Variants in SNTB1 observed in about 807,000 individuals in gnomAD.
SNTB1 encodes the protein syntrophin beta 1.
A neutral mutation model predicts 48.9 loss-of-function variants in SNTB1; 36 were observed. The ratio of observed to expected loss-of-function variants is 0.74; its 90% CI spans 0.56 to 0.97. SNTB1 has a LOEUF of 0.97. Among genes scored for constraint, SNTB1 ranks in the 50% least tolerant of loss-of-function variants. The probability of loss-of-function intolerance (pLI) is 0.00; values close to 1 mark genes in which losing one functional copy is unlikely to be tolerated. For missense variants in SNTB1, 786 were observed against 703.4 expected (o/e 1.12, Z -1.33); for synonymous variants, 299 against 294.6 (o/e 1.01, Z -0.15).
At chr8:120,546,761 CACCGGGTTTCCAG>C (rs1217262221) in intron 5 of SNTB1, among the ~76,000 whole-genome samples, 1 of 152,216 alleles carries the variant, frequency 6.6e-6, no homozygotes, top group East Asian at 1.9e-4. Flanking sequence ...TGAGCCACCA[CACCGGGTTTCCAG>C]TCCCTTATTT....
intron 2 of SNTB1, among the ~76,000 whole-genome samples, chr8:120,685,017 C>A (rs1386423298): frequency 6.6e-6 from 1 of 152,248 alleles, no homozygotes; most frequent in Non-Finnish European, 1.5e-5. Context: ...CTTCCAGACA[C>A]ACTGGGATGG....
intron 3 of SNTB1, among the ~76,000 whole-genome samples, chr8:120,576,751 T>C (rs1460355215): frequency 6.6e-6 from 1 of 152,204 alleles, no homozygotes; most frequent in African/African-American, 2.4e-5. Flanking sequence ...GTATCTCAGT[T>C]TCTGGATCTG....
chr8:120,718,526 T>TTGA (rs1198238225), intron 1 of SNTB1, among the ~76,000 whole-genome samples: 5 of 152,220 alleles, frequency 3.3e-5, no homozygotes, highest in African/African-American at 1.2e-4. Context: ...GTAAATTTGA[T>TTGA]TGATAATGTT....
chr8:120,805,400 GT>G (rs1820318860), intron 1 of SNTB1, among the ~76,000 whole-genome samples: 1 of 152,128 alleles, frequency 6.6e-6, no homozygotes, highest in South Asian at 2.1e-4. Context: ...AATCACAAGG[GT>G]CCTTAAAAAT....
chr8:120,644,628 T>G lies in SNTB1; in HGVS notation c.789-11977A>C, dbSNP rs538399097. The stretch of plus-strand genomic sequence containing the variant: ...AATAATGTCGCAATAAACATGCGTG[T>G]GCATGTGTCTTTATAGCAGCATGAT... On this transcript the variant is annotated intron_variant, in intron 2 of 6. Transcript: ENST00000517992. Among the ~76,000 whole-genome samples, 3 of 152,242 alleles carry G rather than the reference T, an allele frequency of 2.0e-5. No individual in the cohort carries two copies. The South Asian group carries it at 6.2e-4, about 32-fold the overall frequency.
chr8:120,677,125 G>C (rs1184517257), intron 2 of SNTB1, among the ~76,000 whole-genome samples: 1 of 151,660 alleles, frequency 6.6e-6, no homozygotes, highest in Non-Finnish European at 1.5e-5. Context: ...CTGGAAACCT[G>C]ATGCATATGG....
intron 1 of SNTB1, among the ~76,000 whole-genome samples, chr8:120,764,242 T>C (rs1819477564): frequency 6.6e-6 from 1 of 152,236 alleles, no homozygotes; most frequent in Non-Finnish European, 1.5e-5. Context: ...CATGCAATGA[T>C]ATACTAGCCA....
At chr8:120,760,970 G>A (rs1356304721) in intron 1 of SNTB1, among the ~76,000 whole-genome samples, 1 of 151,990 alleles carries the variant, frequency 6.6e-6, no homozygotes, top group African/African-American at 2.4e-5. Flanking sequence ...ACTAACAAGA[G>A]GCTAATTTCT....
chr8:120,548,954 C>T lies in SNTB1; in HGVS notation c.1141G>A (p.Val381Ile). 1.3e-6 allele frequency: 2 copies of T among 1,578,902 alleles called. No homozygotes were observed. Among genetic ancestry groups the T allele is most frequent in the Non-Finnish European group, 1.7e-6 (2 of 1,163,844 alleles). Residue 381 changes from valine (V) to isoleucine (I), a missense_variant, in exon 5 of 7, where the codon GTC (valine) becomes ATC (isoleucine). By Grantham distance (29) the Val-to-Ile change is conservative (BLOSUM62 3). Transcript: ENST00000517992. ...HTYPLLATRL[V>I]HSGPGKGSPQ... ...GATCCCTTTCCTGGACCTGAATGGA[C>T]CAGCCTGGAGAGAGAGAGAGAGAGA...
chr8:120,630,562 A>G (rs1442500925), intron 3 of SNTB1, among the ~76,000 whole-genome samples: 4 of 152,140 alleles, frequency 2.6e-5, no homozygotes. Flanking sequence ...ATCCTGAAAT[A>G]TGTGCTATAC....
At chr8:120,806,482 A>C (rs925430207) in intron 1 of SNTB1, among the ~76,000 whole-genome samples, 1 of 152,172 alleles carries the variant, frequency 6.6e-6, no homozygotes, top group Non-Finnish European at 1.5e-5. Flanking sequence ...TTGTTTTAAC[A>C]ATTTATTTTA....
chr8:120,640,934 A>T (rs1817183911), intron 2 of SNTB1, among the ~76,000 whole-genome samples: 1 of 152,152 alleles, frequency 6.6e-6, no homozygotes, highest in Non-Finnish European at 1.5e-5. Flanking sequence ...TGATTGGAAT[A>T]GTTTCAGAAG....
At chr8:120,711,838 A>G (rs1474896568) in intron 1 of SNTB1, among the ~76,000 whole-genome samples, 3 of 152,196 alleles carry the variant, frequency 2.0e-5, no homozygotes, top group African/African-American at 7.2e-5. Context: ...TTAGAGTAGT[A>G]TATATTGTTT....
intron 1 of SNTB1, among the ~76,000 whole-genome samples, chr8:120,802,944 A>G (rs1408879497): frequency 6.6e-6 from 1 of 152,166 alleles, no homozygotes; most frequent in Non-Finnish European, 1.5e-5. Context: ...ATTGAAGCCC[A>G]GACGGAGTAA....
At chr8:120,633,025 C>A (rs1817009273) in intron 2 of SNTB1, among the ~76,000 whole-genome samples, 1 of 152,208 alleles carries the variant, frequency 6.6e-6, no homozygotes, top group African/African-American at 2.4e-5. Flanking sequence ...TAATAATATA[C>A]TCACACATCC....
chr8:120,547,009 C>T (rs988433304), intron 5 of SNTB1, among the ~76,000 whole-genome samples: 2 of 152,134 alleles, frequency 1.3e-5, no homozygotes, highest in African/African-American at 4.8e-5. Flanking sequence ...TTCAGAGTGA[C>T]ACAACCTAGA....
chr8:120,595,561 G>A (rs550084788), intron 3 of SNTB1, among the ~76,000 whole-genome samples: 4 of 152,116 alleles, frequency 2.6e-5, no homozygotes, highest in African/African-American at 9.6e-5. Flanking sequence ...TGTCTGTGAA[G>A]TGGTCATTTT....
intron 4 of SNTB1, among the ~76,000 whole-genome samples, chr8:120,569,281 G>A (rs1260734614): frequency 1.3e-5 from 2 of 152,108 alleles, no homozygotes; most frequent in Non-Finnish European, 2.9e-5. Flanking sequence ...TGCCCAGCCC[G>A]CATCTTCTAT....
At chr8:120,723,100 T>A (rs1818694294) in intron 1 of SNTB1, among the ~76,000 whole-genome samples, 1 of 152,222 alleles carries the variant, frequency 6.6e-6, no homozygotes. Flanking sequence ...CTGAGTCCTC[T>A]GTTCTGTTCC....
Sources: allele counts gnomAD v4.1 joint callset (sites outside exome capture counted in the v4.1 genomes callset), GRCh38; gene constraint gnomAD v4.1.1; transcripts MANE v1.5; gene names NCBI Gene and HGNC (gene_info 2026-07-23, HGNC 2026-07-21).